The following CLVS1 variants were observed in gnomAD, a reference collection of about 807,000 sequenced individuals.
CLVS1 encodes clavesin 1.
A neutral mutation model predicts 33.1 loss-of-function variants in CLVS1; 10 were observed. The observed-to-expected ratio is 0.30, with a 90% CI of 0.19 to 0.51. CLVS1 has a LOEUF of 0.51. Among genes scored for constraint, CLVS1 ranks in the 20% least tolerant of loss-of-function variants. The pLI is 0.97. For missense variants in CLVS1, 343 were observed against 433.4 expected, an observed-to-expected ratio of 0.79 and a Z score of 1.85; for synonymous variants, 163 against 166.1, an observed-to-expected ratio of 0.98 and a Z score of 0.14.
Position 61,222,815 on chromosome 8 carries a change from T to C in CLVS1, c.-151-76862T>C, listed in dbSNP as rs145774852. Among the ~76,000 whole-genome samples the C allele has an allele frequency of 1.4e-3, 219 of 152,254 alleles. 1 individual carries two copies. The highest frequency in any genetic ancestry group is 3.8e-3 in the Admixed American group (58 of 15,296). On this transcript the variant is annotated intron_variant, in intron 2 of 2. Coordinates refer to the CLVS1 transcript ENST00000522621. ...CACTATTATGGTGGGGGAGTGTAAA[T>C]CTCTTTGTAGGTCTCTAAGAACTTG...
intron 2 of CLVS1, among the ~76,000 whole-genome samples, chr8:61,365,714 A>T (rs1813177072): frequency 6.6e-6 from 1 of 151,874 alleles, no homozygotes; most frequent in African/African-American, 2.4e-5. Context: ...ATCATCTCCG[A>T]AGTCATATGT....
intron 1 of CLVS1, among the ~76,000 whole-genome samples, chr8:61,092,960 G>A (rs921738923): frequency 6.1e-4 from 93 of 152,136 alleles, no homozygotes; most frequent in African/African-American, 2.2e-3. Flanking sequence ...GTGCAAGGAC[G>A]AGACACATCC....
At chr8:61,022,849 A>ATG in the CLVS1 span, among the ~76,000 whole-genome samples, 1 of 152,256 alleles carries the variant, frequency 6.6e-6, no homozygotes, top group African/African-American at 2.4e-5. Context: ...CTGAATTAAT[A>ATG]CGTGTGTGTG....
intron 2 of CLVS1, among the ~76,000 whole-genome samples, chr8:61,203,764 A>G (rs1037284845): frequency 1.3e-5 from 2 of 152,160 alleles, no homozygotes; most frequent in African/African-American, 2.4e-5. Flanking sequence ...TGCTTTCTGA[A>G]CATCCTTGGA....
At chr8:61,387,775 T>A (rs1814146966) in intron 3 of CLVS1, among the ~76,000 whole-genome samples, 1 of 152,202 alleles carries the variant, frequency 6.6e-6, no homozygotes, top group South Asian at 2.1e-4. Flanking sequence ...TAATGGTCTT[T>A]AATTCCATCC....
chr8:61,058,452 A>T (rs142101978), intron 1 of CLVS1, among the ~76,000 whole-genome samples: 2 of 152,292 alleles, frequency 1.3e-5, no homozygotes, highest in African/African-American at 4.8e-5. Flanking sequence ...TATCAAAAAG[A>T]TACCATATGT....
At chr8:61,084,559 T>G (rs1443153153) in intron 1 of CLVS1, among the ~76,000 whole-genome samples, 1 of 152,186 alleles carries the variant, frequency 6.6e-6, no homozygotes, top group Non-Finnish European at 1.5e-5. Context: ...AAAGATTTAT[T>G]TTGCCCAAAA....
At chr8:61,145,125 G>T (rs1806388898) in intron 2 of CLVS1, among the ~76,000 whole-genome samples, 1 of 152,180 alleles carries the variant, frequency 6.6e-6, no homozygotes, top group Admixed American at 6.5e-5. Flanking sequence ...AAACTAAAAA[G>T]CTTCTGCACA....
upstream of CLVS1, among the ~76,000 whole-genome samples, chr8:61,283,799 T>G (rs1809721800): frequency 1.3e-5 from 2 of 152,192 alleles, no homozygotes; most frequent in African/African-American, 2.4e-5. Context: ...AGTGAAGTGC[T>G]GAATTAAAAA....
chr8:61,173,541 T>C (rs935020232), intron 2 of CLVS1, among the ~76,000 whole-genome samples: 4 of 152,198 alleles, frequency 2.6e-5, no homozygotes, highest in Non-Finnish European at 4.4e-5. Context: ...ATTGATTGGT[T>C]CTGTCACTGT....
intron 2 of CLVS1, among the ~76,000 whole-genome samples, chr8:61,168,787 T>A (rs1287556099): frequency 6.6e-6 from 1 of 152,212 alleles, no homozygotes; most frequent in Non-Finnish European, 1.5e-5. Context: ...ACAGCCTTTA[T>A]GACATTTAGC....
intron 2 of CLVS1, among the ~76,000 whole-genome samples, chr8:61,171,106 G>A (rs1342947153): frequency 3.3e-5 from 5 of 151,802 alleles, no homozygotes; most frequent in African/African-American, 7.3e-5. Context: ...GCAGCTTTCT[G>A]TTAGTCCTCA....
intron 3 of CLVS1, among the ~76,000 whole-genome samples, chr8:61,435,588 G>A (rs890936789): frequency 9.3e-5 from 14 of 150,886 alleles, no homozygotes; most frequent in Admixed American, 9.2e-4. Flanking sequence ...GCTTAAAAGG[G>A]GTAGCACATT....
intron 5 of CLVS1, among the ~76,000 whole-genome samples, chr8:61,483,257 G>T (rs1490662094): frequency 1.3e-5 from 2 of 152,030 alleles, no homozygotes. Context: ...TGACAAAAAG[G>T]ATATCACCAC....
chr8:61,292,832 T>C (rs1279124620), intron 1 of CLVS1, among the ~76,000 whole-genome samples: 1 of 152,226 alleles, frequency 6.6e-6, no homozygotes, highest in East Asian at 1.9e-4. Context: ...TCTCATACTT[T>C]ATAAGTTGGC....
At chr8:61,420,921 A>G (rs1815637185) in intron 3 of CLVS1, among the ~76,000 whole-genome samples, 1 of 152,148 alleles carries the variant, frequency 6.6e-6, no homozygotes, top group South Asian at 2.1e-4. Context: ...CAGTGAGCCG[A>G]GATCGCACCA....
At chr8:60,989,553 A>C in the CLVS1 span, among the ~76,000 whole-genome samples, 1 of 151,944 alleles carries the variant, frequency 6.6e-6, no homozygotes, top group Admixed American at 6.6e-5. Context: ...TGTCTACGTG[A>C]CCCCTGAAGC....
chr8:61,045,309 T>C, the CLVS1 span, among the ~76,000 whole-genome samples: 1 of 152,242 alleles, frequency 6.6e-6, no homozygotes, highest in Non-Finnish European at 1.5e-5. Context: ...TTATCTTTCC[T>C]GCCCACAAGA....
chr8:61,047,142 C>T, the CLVS1 span, among the ~76,000 whole-genome samples: 13 of 152,114 alleles, frequency 8.5e-5, no homozygotes, highest in Admixed American at 3.9e-4. Context: ...GAAAAGTGGG[C>T]GAAGGACATG....
Sources: allele counts gnomAD v4.1 joint callset (sites outside exome capture counted in the v4.1 genomes callset), GRCh38; gene constraint gnomAD v4.1.1; transcripts MANE v1.5; gene names NCBI Gene and HGNC (gene_info 2026-07-23, HGNC 2026-07-21).